The following FBXW7 variants were observed in gnomAD, a reference collection of about 807,000 sequenced individuals.
The protein encoded by FBXW7 is F-box and WD repeat domain containing 7, also known as F-box/WD repeat-containing protein 7.
A neutral mutation model predicts 86.3 loss-of-function variants in FBXW7; 11 were observed. The ratio of observed to expected loss-of-function variants is 0.13; its 90% confidence interval spans 0.08 to 0.21. The LOEUF (loss-of-function observed/expected upper bound fraction) is 0.21, where lower values mean the gene tolerates loss of function less well. Among genes scored for constraint, FBXW7 ranks in the 10% least tolerant of loss-of-function variants. The pLI is 1.00. For missense variants in FBXW7, 488 were observed against 847.4 expected (o/e 0.58, Z 5.27); for synonymous variants, 313 against 297.9 (o/e 1.05, Z -0.52).
At chr4:152,375,445 G>T (rs971530657) in intron 4 of FBXW7, among the ~76,000 whole-genome samples, 1 of 151,944 alleles carries the variant, frequency 6.6e-6, no homozygotes, top group African/African-American at 2.4e-5. Flanking sequence ...GTTTTAAAAC[G>T]ATGAAAAGAA....
At chr4:152,424,998 A>T (rs1415374455) in intron 2 of FBXW7, among the ~76,000 whole-genome samples, 1 of 152,204 alleles carries the variant, frequency 6.6e-6, no homozygotes, top group Non-Finnish European at 1.5e-5. Flanking sequence ...GAGTTGGTAA[A>T]TCTGAAATAG....
intron 4 of FBXW7, among the ~76,000 whole-genome samples, chr4:152,403,175 C>A (rs1309883199): frequency 1.3e-5 from 2 of 152,072 alleles, no homozygotes; most frequent in East Asian, 3.9e-4. Flanking sequence ...AAGCAGTGGC[C>A]ACTTTAGAAT....
chr4:152,529,346 A>G (rs1054271936), intron 2 of FBXW7, among the ~76,000 whole-genome samples: 31 of 152,284 alleles, frequency 2.0e-4, no homozygotes, highest in African/African-American at 7.5e-4. Flanking sequence ...CAGATTATAT[A>G]CTCTTTTTTT....
chr4:152,334,865 G>T (rs1729912947), intron 7 of FBXW7, among the ~76,000 whole-genome samples: 1 of 152,068 alleles, frequency 6.6e-6, no homozygotes, highest in South Asian at 2.1e-4. Flanking sequence ...TTTACATCTA[G>T]CCAGTTCCAT....
At chr4:152,352,631 G>C (rs1578964769) in intron 4 of FBXW7, 1 of 1,613,824 alleles carries the variant, frequency 6.2e-7, no homozygotes, top group East Asian at 2.2e-5. Flanking sequence ...GACATGCTCA[G>C]GCACGTCAGA....
rs1734253328 is a variant in FBXW7 at position 152,374,097 on chromosome 4, G to C, written c.502-23973C>G. 2.0e-5 allele frequency among the ~76,000 whole-genome samples: 3 copies of C among 151,992 alleles called. No individual in the cohort carries two copies. In the South Asian group the frequency reaches 6.2e-4, roughly 32 times the overall value. On this transcript the variant is annotated intron_variant, in intron 4 of 13. Coordinates refer to ENST00000281708, the MANE Select transcript of FBXW7 (RefSeq NM_001349798.2). ...AAGTACCAATGGAAGATATATGCAA[G>C]TAAGAGAAGCTTAGAAAGCCACATT...
intron 6 of FBXW7, among the ~76,000 whole-genome samples, chr4:152,346,488 AT>A (rs1364763458): frequency 6.6e-6 from 1 of 152,212 alleles, no homozygotes; most frequent in Non-Finnish European, 1.5e-5. Context: ...ACATTCAAAA[AT>A]TGAGTTCCCT....
At chr4:152,406,734 A>T (rs2126860502) in intron 4 of FBXW7, among the ~76,000 whole-genome samples, 1 of 152,252 alleles carries the variant, frequency 6.6e-6, no homozygotes, top group South Asian at 2.1e-4. Flanking sequence ...TCGACTTCAA[A>T]ATTTATGTCT....
At chr4:152,432,142 C>T (rs573789000) in intron 2 of FBXW7, among the ~76,000 whole-genome samples, 48 of 152,270 alleles carry the variant, frequency 3.2e-4, no homozygotes, top group Admixed American at 9.2e-4. Context: ...ATTCTCTCTA[C>T]CTCCTAGAGA....
chr4:152,335,389 G>A (rs967990525), intron 7 of FBXW7, among the ~76,000 whole-genome samples: 2 of 151,824 alleles, frequency 1.3e-5, no homozygotes, highest in African/African-American at 4.8e-5. Context: ...AATCATTTGA[G>A]CCTAGGAGTT....
At chr4:152,471,535 G>A (rs1743968817) in intron 2 of FBXW7, among the ~76,000 whole-genome samples, 1 of 147,694 alleles carries the variant, frequency 6.8e-6, no homozygotes, top group African/African-American at 2.5e-5. Context: ...GGGAGGGAAG[G>A]ATGGAAGGAA....
intron 2 of FBXW7, among the ~76,000 whole-genome samples, chr4:152,519,887 G>A (rs924821436): frequency 7.2e-5 from 11 of 152,248 alleles, no homozygotes; most frequent in South Asian, 2.1e-4. Flanking sequence ...TCAAAATTCC[G>A]ATGTGTTCTT....
At chr4:152,441,088 C>T (rs1170385594) in intron 2 of FBXW7, among the ~76,000 whole-genome samples, 1 of 152,110 alleles carries the variant, frequency 6.6e-6, no homozygotes, top group Non-Finnish European at 1.5e-5. Flanking sequence ...CAAAATTACA[C>T]AGACCTACCT....
In FBXW7 at chr4:152,322,279, T is replaced by C. The variant is rs1317816093; in HGVS notation, c.*602A>G. 1 of 217,746 alleles carries C rather than the reference T, an allele frequency of 4.6e-6. No homozygotes were observed. Among genetic ancestry groups the C allele is most frequent in the Non-Finnish European group, 8.8e-6 (1 of 113,106 alleles). The allele number at this position is 217,746 out of a possible 1,614,324, so 13.5% of individuals were successfully genotyped here. A position where few individuals can be genotyped will look rare whatever the true frequency, so the allele number is the denominator to read the frequency against. On this transcript the variant is annotated 3_prime_UTR_variant, in exon 14 of 14. Transcript: ENST00000281708. The stretch of plus-strand genomic sequence containing the variant: ...TATATGGAAGCAACAGTAAATAGAT[T>C]AACAGAGGCTAATACTGTGATTGAT...
Position 152,438,406 on chromosome 4 carries a change from G to A in FBXW7, c.-119-25877C>T, listed in dbSNP as rs184143924. Among the ~76,000 whole-genome samples, 379 of 152,098 alleles carry A rather than the reference G, an allele frequency of 2.5e-3. 4 individuals carry two copies. Among genetic ancestry groups the A allele is most frequent in the Admixed American group, 0.019 (293 of 15,280 alleles). On this transcript the variant is annotated intron_variant, in intron 2 of 13. Coordinates refer to ENST00000281708, the MANE Select transcript of FBXW7 (RefSeq NM_001349798.2). ...ATTCTAACAAAAAGTGGCCAGGCAC[G>A]GTGGCTCATGCCTGTAATCTCAGCA...
intron 2 of FBXW7, among the ~76,000 whole-genome samples, chr4:152,529,761 G>A (rs1440891176): frequency 6.6e-6 from 1 of 152,140 alleles, no homozygotes; most frequent in Non-Finnish European, 1.5e-5. Context: ...GAGCTCAGGA[G>A]TTAAGAGACC....
chr4:152,484,909 C>T (rs947937343), intron 2 of FBXW7, among the ~76,000 whole-genome samples: 3 of 147,796 alleles, frequency 2.0e-5, no homozygotes, highest in Non-Finnish European at 4.4e-5. Context: ...CTGCAGTGAG[C>T]TGAGATCGCG....
intron 2 of FBXW7, among the ~76,000 whole-genome samples, chr4:152,424,290 A>T (rs926714791): frequency 6.6e-6 from 1 of 152,192 alleles, no homozygotes; most frequent in African/African-American, 2.4e-5. Context: ...TCCAGGGAGC[A>T]TTCCTTTGAG....
chr4:152,360,918 T>G (rs900416136), intron 4 of FBXW7, among the ~76,000 whole-genome samples: 60 of 151,130 alleles, frequency 4.0e-4, no homozygotes, highest in African/African-American at 1.3e-3. Context: ...TCATACTTAC[T>G]GCACTTTTTA....
Sources: gnomAD v4.1 joint callset for allele counts (sites outside exome capture counted in the v4.1 genomes callset) on GRCh38, gnomAD v4.1.1 for gene constraint, MANE v1.5 for transcripts, NCBI Gene and HGNC (gene_info 2026-07-23, HGNC 2026-07-21) for gene names.